PRKDC: variants seen among roughly 807,000 people sequenced by gnomAD.
PRKDC encodes the protein protein kinase, DNA-activated, catalytic subunit.
A neutral mutation model predicts 486.9 loss-of-function variants in PRKDC; 82 were observed. The ratio of observed to expected loss-of-function variants is 0.17; its 90% CI spans 0.14 to 0.20. The LOEUF (loss-of-function observed/expected upper bound fraction) is 0.20, where lower values mean the gene tolerates loss of function less well. PRKDC is among the 10% of genes least tolerant of loss of function. The pLI is 1.00. For synonymous variants in PRKDC, 1,895 were observed against 1,837.0 expected (o/e 1.03, Z -0.81); for missense variants, 4,504 against 5,038.2 (o/e 0.89, Z 3.21).
chr8:47,898,279 C>T (rs1443720763), intron 29 of PRKDC, among the ~76,000 whole-genome samples, 191 bp downstream of exon 29: 8 of 152,310 alleles, frequency 5.3e-5, no homozygotes, highest in Admixed American at 5.2e-4. Flanking sequence ...TACCTTATCC[C>T]TTAAACCAAG....
intron 71 of PRKDC, among the ~76,000 whole-genome samples, 152 bp from the exon 72 acceptor site, chr8:47,799,542 C>T (rs925975379): frequency 6.6e-6 from 1 of 152,212 alleles, no homozygotes; most frequent in Non-Finnish European, 1.5e-5. Context: ...TCCACCCTGG[C>T]TGTGAAGGAG....
At chr8:47,824,231 A>T (rs1218289368) in intron 63 of PRKDC, among the ~76,000 whole-genome samples, 1 of 152,112 alleles carries the variant, frequency 6.6e-6, no homozygotes, top group East Asian at 1.9e-4. Context: ...TTAAAGTGGA[A>T]TCTGGGACGG....
chr8:47,862,547 G>A lies in PRKDC; in HGVS notation c.5751-6C>T, dbSNP rs2088700984. 1 of 1,594,716 alleles carries A rather than the reference G, an allele frequency of 6.3e-7. No homozygotes were observed. The highest frequency in any genetic ancestry group is 8.6e-7 in the Non-Finnish European group (1 of 1,167,820). On this transcript the variant is annotated splice_region_variant and splice_polypyrimidine_tract_variant and intron_variant, in intron 42 of 85. Coordinates refer to ENST00000314191, the MANE Select transcript of PRKDC (RefSeq NM_006904.7). ...TAAATGCATCGTAGCACAATCTGCA[G>A]AGAGATCCATGTGACAAATCAATTC...
Position 47,794,310 on chromosome 8 carries a change from C to T in PRKDC, c.10650G>A (p.Lys3550=). Residue 3550 remains lysine (K), a synonymous_variant, in exon 74 of 86, where the codon AAG becomes AAA. Coordinates refer to ENST00000314191, the MANE Select transcript of PRKDC (RefSeq NM_006904.7). ...YSFKDTSTGH[K]NKEFVARIKS... Reference sequence around the variant, plus strand: ...CCTACCTTGCCACAAACTCCTTATTCTTATGACCAGTAGAAGTATCCTTGA... The same window carrying T: ...CCTACCTTGCCACAAACTCCTTATTTTTATGACCAGTAGAAGTATCCTTGA... 1 of 1,612,502 alleles carries T rather than the reference C, an allele frequency of 6.2e-7. No individual in the cohort carries two copies. Among genetic ancestry groups the T allele is most frequent in the Non-Finnish European group, 8.5e-7 (1 of 1,179,070 alleles).
At chr8:47,897,077 C>T in intron 30 of PRKDC, 84 bp downstream of exon 30, 2 of 1,367,836 alleles carry the variant, frequency 1.5e-6, no homozygotes, top group Non-Finnish European at 9.9e-7. Flanking sequence ...TGCAATGATA[C>T]CCAATTACTC....
intron 68 of PRKDC, among the ~76,000 whole-genome samples, chr8:47,812,575 G>T (rs7818445): frequency 0.23 from 34,912 of 152,098 alleles, 7,809 homozygotes; most frequent in African/African-American, 0.57. Context: ...ATACCAAAAT[G>T]TGCAGAATGC....
intron 30 of PRKDC, among the ~76,000 whole-genome samples, chr8:47,894,005 G>T (rs1201513056): frequency 2.0e-5 from 3 of 152,158 alleles, no homozygotes; most frequent in African/African-American, 7.2e-5. Flanking sequence ...ATTCAGCCGG[G>T]GGTGGTGGCT....
At chr8:47,831,705 G>T in intron 60 of PRKDC, 109 bp downstream of exon 60, 1 of 1,209,952 alleles carries the variant, frequency 8.3e-7, no homozygotes, top group Non-Finnish European at 1.2e-6. Flanking sequence ...CCGCAACCTG[G>T]TTTGCAGGTG....
rs184047615 is a variant in PRKDC at position 47,780,862 on chromosome 8, C to T, written c.11489+1300G>A. ...CTGAGGCAGGAGAATTGCTGGAACC[C>T]GGGAAGCGGAGACCACAGTGAGCCG... is the stretch of plus-strand genomic sequence containing the variant. On this transcript the variant is annotated intron_variant, in intron 80 of 85. Coordinates refer to ENST00000314191, the MANE Select transcript of PRKDC (RefSeq NM_006904.7). Among the ~76,000 whole-genome samples the T allele has an allele frequency of 1.5e-3, 230 of 152,072 alleles. 2 individuals carry two copies. The highest frequency in any genetic ancestry group is 3.4e-3 in the African/African-American group (142 of 41,478).
chr8:47,885,110 G>A (rs1476891210), intron 36 of PRKDC, among the ~76,000 whole-genome samples: 1 of 152,148 alleles, frequency 6.6e-6, no homozygotes, highest in Non-Finnish European at 1.5e-5. Context: ...TAAGGGAATA[G>A]AAAAAACAAT....
In PRKDC at chr8:47,888,609, G is replaced by A. The variant is rs371177523; in HGVS notation, c.4322C>T (p.Ala1441Val). Residue 1441 changes from alanine (A) to valine (V), a missense_variant, in exon 34 of 86, where the codon GCG (alanine) becomes GTG (valine). Around this residue, in one of 6 missense-constraint regions of PRKDC, gnomAD observed 1,969 missense variants for 2,068.9 expected, o/e 0.95. Coordinates refer to ENST00000314191, the MANE Select transcript of PRKDC (RefSeq NM_006904.7). ...LCAVNLYGPD[A>V]QVDRSRLAAV... ...AGCCAGCCTGCTCCTGTCCACTTGCGCGTCAGGGCCATACAAGTTGACGGC... is the reference window on the plus strand; with the variant it reads ...AGCCAGCCTGCTCCTGTCCACTTGCACGTCAGGGCCATACAAGTTGACGGC... The A allele has an allele frequency of 1.6e-5, 25 of 1,593,626 alleles. No individual in the cohort carries two copies. Among genetic ancestry groups the A allele is most frequent in the African/African-American group, 5.4e-5 (4 of 74,516 alleles).
intron 84 of PRKDC, 51 bp from the exon 85 acceptor site, chr8:47,777,034 T>C (rs2086621020): frequency 1.3e-6 from 2 of 1,568,796 alleles, no homozygotes; most frequent in Non-Finnish European, 1.7e-6. Context: ...GTATATACAA[T>C]CATGCCCAAA....
chr8:47,850,659 A>G (rs1309131065), intron 52 of PRKDC, among the ~76,000 whole-genome samples: 1 of 152,258 alleles, frequency 6.6e-6, no homozygotes, highest in South Asian at 2.1e-4. Flanking sequence ...AAAAGTATTT[A>G]ATACGACAAC....
intron 76 of PRKDC, among the ~76,000 whole-genome samples, chr8:47,787,350 G>A (rs1027846988): frequency 2.0e-5 from 3 of 152,150 alleles, no homozygotes; most frequent in African/African-American, 7.2e-5. Flanking sequence ...ATCTGTAAGT[G>A]GATGAAAAAT....
chr8:47,805,859 C>G (rs918494359), intron 69 of PRKDC, among the ~76,000 whole-genome samples: 1 of 152,168 alleles, frequency 6.6e-6, no homozygotes, highest in African/African-American at 2.4e-5. Context: ...CAGAGCACCT[C>G]TCTTGCCCTG....
Position 47,776,915 on chromosome 8 carries a change from A to G in PRKDC, c.12111T>C (p.Asn4037=). The G allele has an allele frequency of 6.2e-7, 1 of 1,613,752 alleles. No individual in the cohort carries two copies. Among genetic ancestry groups the G allele is most frequent in the Non-Finnish European group, 8.5e-7 (1 of 1,179,836 alleles). The change falls in exon 85 of 86, where the codon AAT becomes AAC. Residue 4037 remains asparagine (N), a synonymous_variant. Transcript: ENST00000314191. The part of the protein sequence containing the change: ...WIQEINVAEK[N]WYPRQKICYA... ...AACATATTTTCTGTCGGGGGTACCA[A>G]TTTTTTTCAGCAACATTTATTTCTT...
At position 47,831,355 on chromosome 8, in the gene PRKDC, C is replaced by G. The variant is rs894011287; in HGVS notation, c.8265+459G>C. Among the ~76,000 whole-genome samples, 5 of 152,342 alleles carry G rather than the reference C, an allele frequency of 3.3e-5. No homozygotes were observed. The South Asian group carries it at 6.2e-4, about 19-fold the overall frequency. ...TTTTTCTTAACGATCCGTCCTACCC[C>G]CTTCTTACAAATGCATCCTAATGAC... On this transcript the variant is annotated intron_variant, in intron 60 of 85. Coordinates refer to ENST00000314191, the MANE Select transcript of PRKDC (RefSeq NM_006904.7).
At chr8:47,883,928 G>A (rs531895221) in intron 36 of PRKDC, among the ~76,000 whole-genome samples, 11 of 152,244 alleles carry the variant, frequency 7.2e-5, no homozygotes, top group Non-Finnish European at 1.0e-4. Context: ...TGCAGGGCTC[G>A]CTGGTGGGGA....
chr8:47,915,762 G>A (rs865774807), intron 22 of PRKDC, among the ~76,000 whole-genome samples: 3 of 152,202 alleles, frequency 2.0e-5, no homozygotes, highest in Middle Eastern at 3.2e-3. Context: ...GTGCAGATCC[G>A]TTTACAGTGT....
Sources: gnomAD v4.1 joint callset for allele counts (sites outside exome capture counted in the v4.1 genomes callset) on GRCh38, gnomAD v4.1.1 for gene constraint, gnomAD v4.1.1 regional missense constraint, MANE v1.5 for transcripts, NCBI Gene and HGNC (gene_info 2026-07-23, HGNC 2026-07-21) for gene names.